Variants in HS3ST4 observed in about 807,000 individuals in gnomAD.
The protein encoded by HS3ST4 is heparan sulfate glucosamine 3-O-sulfotransferase 4.
Under a neutral mutation model 29.2 loss-of-function variants are expected in HS3ST4, and 17 were observed. The observed-to-expected ratio is 0.58, with a 90% CI of 0.40 to 0.87. The LOEUF is 0.87. HS3ST4 is among the 40% of genes least tolerant of loss of function. The pLI is 0.00. For missense variants in HS3ST4, 627 were observed against 634.5 expected, an observed-to-expected ratio of 0.99 and a Z score of 0.13; for synonymous variants, 314 against 285.7, an observed-to-expected ratio of 1.10 and a Z score of -1.00.
At chr16:25,728,431 A>G (rs1356290101) in intron 1 of HS3ST4, among the ~76,000 whole-genome samples, 1 of 152,268 alleles carries the variant, frequency 6.6e-6, no homozygotes, top group Non-Finnish European at 1.5e-5. Flanking sequence ...TGCAAAGAAC[A>G]TATAATACTT....
chr16:25,903,347 T>TACATATGTATATGTATATAATATATAC (rs376547024), intron 1 of HS3ST4, among the ~76,000 whole-genome samples: 1 of 106,664 alleles, frequency 9.4e-6, no homozygotes, highest in Non-Finnish European at 2.0e-5. Flanking sequence ...ATATATTATA[T>TACATATGTATATGTATATAATATATAC]ATATGTATAT....
At chr16:25,768,811 G>A (rs1334541778) in intron 1 of HS3ST4, among the ~76,000 whole-genome samples, 1 of 152,050 alleles carries the variant, frequency 6.6e-6, no homozygotes, top group East Asian at 1.9e-4. Context: ...TTAAAATTGG[G>A]AGATGTCATA....
intron 1 of HS3ST4, among the ~76,000 whole-genome samples, chr16:25,840,283 G>C (rs1206029245): frequency 6.6e-6 from 1 of 152,184 alleles, no homozygotes; most frequent in Non-Finnish European, 1.5e-5. Flanking sequence ...AGCTGACAGA[G>C]AGTTTCAGTT....
chr16:26,011,271 C>T (rs1248616561), intron 1 of HS3ST4, among the ~76,000 whole-genome samples: 2 of 152,212 alleles, frequency 1.3e-5, no homozygotes, highest in African/African-American at 4.8e-5. Context: ...TAAAAGCATT[C>T]AATTTTGGCC....
At chr16:25,895,383 T>C (rs1418707030) in intron 1 of HS3ST4, among the ~76,000 whole-genome samples, 2 of 152,116 alleles carry the variant, frequency 1.3e-5, no homozygotes, top group African/African-American at 4.8e-5. Flanking sequence ...AATGTTTTGG[T>C]CATGGGCAGT....
At chr16:25,840,501 G>A (rs941476105) in intron 1 of HS3ST4, among the ~76,000 whole-genome samples, 1 of 152,118 alleles carries the variant, frequency 6.6e-6, no homozygotes. Flanking sequence ...TGGTCATCAC[G>A]TAGCTTCCAG....
chr16:25,737,834 G>A (rs1413340264), intron 1 of HS3ST4, among the ~76,000 whole-genome samples: 1 of 151,896 alleles, frequency 6.6e-6, no homozygotes, highest in Non-Finnish European at 1.5e-5. Context: ...CAGCATCTGG[G>A]CAGCAAAACT....
At chr16:25,949,466 A>G (rs554491597) in intron 1 of HS3ST4, among the ~76,000 whole-genome samples, 1 of 152,242 alleles carries the variant, frequency 6.6e-6, no homozygotes, top group Admixed American at 6.5e-5. Flanking sequence ...GTTCTTTTCC[A>G]CTGGGACCTT....
intron 1 of HS3ST4, among the ~76,000 whole-genome samples, chr16:25,812,027 T>C (rs1208080058): frequency 2.0e-5 from 3 of 152,212 alleles, no homozygotes; most frequent in Non-Finnish European, 4.4e-5. Flanking sequence ...TAGTATTCCA[T>C]GGTGCATATG....
chr16:26,022,428 A>G (rs1969422834), intron 1 of HS3ST4, among the ~76,000 whole-genome samples: 1 of 152,190 alleles, frequency 6.6e-6, no homozygotes, highest in African/African-American at 2.4e-5. Flanking sequence ...GGGAGGGGAC[A>G]TATTCATAAT....
At chr16:26,001,805 T>C (rs577111141) in intron 1 of HS3ST4, among the ~76,000 whole-genome samples, 76 of 152,162 alleles carry the variant, frequency 5.0e-4, no homozygotes, top group Non-Finnish European at 1.0e-3. Context: ...TCTCACTGGT[T>C]ACAATGGAGA....
At chr16:25,763,108 A>G (rs1485696539) in intron 1 of HS3ST4, among the ~76,000 whole-genome samples, 2 of 152,018 alleles carry the variant, frequency 1.3e-5, no homozygotes, top group East Asian at 1.9e-4. Context: ...CAGCTGCACT[A>G]TTTCCATCTT....
chr16:26,105,710 C>G (rs575175787), intron 1 of HS3ST4, among the ~76,000 whole-genome samples: 1 of 152,208 alleles, frequency 6.6e-6, no homozygotes, highest in East Asian at 1.9e-4. Flanking sequence ...AAAAGCCAGA[C>G]GGGCTTTCGC....
chr16:26,086,932 TA>T (rs1484318125), intron 1 of HS3ST4, among the ~76,000 whole-genome samples: 2 of 152,224 alleles, frequency 1.3e-5, no homozygotes, highest in African/African-American at 2.4e-5. Context: ...GAGGAGGCAC[TA>T]CCTGGGCTGT....
chr16:25,769,205 T>TG (rs1966838995), intron 1 of HS3ST4, among the ~76,000 whole-genome samples: 1 of 151,872 alleles, frequency 6.6e-6, no homozygotes, highest in African/African-American at 2.4e-5. Context: ...CAAGATTTGT[T>TG]GGGGGTGGAA....
At position 26,049,116 on chromosome 16, in the gene HS3ST4, A is replaced by C. The variant is rs142834838; in HGVS notation, c.735-86496A>C. Among the ~76,000 whole-genome samples the C allele has an allele frequency of 2.0e-5, 3 of 152,088 alleles. No individual in the cohort carries two copies. In the East Asian group the frequency reaches 5.8e-4, roughly 29 times the overall value. On this transcript the variant is annotated intron_variant, in intron 1 of 1. Coordinates refer to ENST00000331351, the MANE Select transcript of HS3ST4 (RefSeq NM_006040.3). ...TTCTGGGCTTCTGCTTGTGATATTG[A>C]CATAATAATTATTATCTTATTATTT...
At chr16:26,094,666 A>T (rs901919953) in intron 1 of HS3ST4, among the ~76,000 whole-genome samples, 7 of 152,334 alleles carry the variant, frequency 4.6e-5, no homozygotes, top group Admixed American at 1.3e-4. Context: ...AAACATGCTA[A>T]ATTGTAAAGA....
intron 1 of HS3ST4, among the ~76,000 whole-genome samples, chr16:26,058,821 A>AG (rs1337913035): frequency 2.6e-5 from 4 of 152,298 alleles, no homozygotes; most frequent in Admixed American, 2.6e-4. Flanking sequence ...AGAGAGGGAA[A>AG]GGGAATAGGT....
intron 1 of HS3ST4, among the ~76,000 whole-genome samples, chr16:25,785,421 T>A (rs1468749919): frequency 6.6e-6 from 1 of 152,234 alleles, no homozygotes; most frequent in Non-Finnish European, 1.5e-5. Context: ...ATTACCATTT[T>A]ACCACACCAT....
Sources: allele counts gnomAD v4.1 joint callset (sites outside exome capture counted in the v4.1 genomes callset), GRCh38; gene constraint gnomAD v4.1.1; transcripts MANE v1.5; gene names NCBI Gene and HGNC (gene_info 2026-07-23, HGNC 2026-07-21).